Variants in ATP8A2 observed in about 807,000 individuals in gnomAD.
The protein encoded by ATP8A2 is ATPase phospholipid transporting 8A2.
Under a neutral mutation model 165.6 loss-of-function variants are expected in ATP8A2, and 100 were observed. The observed-to-expected ratio is 0.60, with a 90% CI of 0.51 to 0.71. The LOEUF is 0.71. Ranked by LOEUF, ATP8A2 falls within the 30% of genes least tolerant of loss-of-function variation. The pLI is 0.00. For missense variants in ATP8A2, 1,227 were observed against 1,479.5 expected (o/e 0.83, Z 2.80); for synonymous variants, 543 against 548.8 (o/e 0.99, Z 0.15).
chr13:25,683,187 T>C (rs2042530670), intron 24 of ATP8A2, among the ~76,000 whole-genome samples: 1 of 152,122 alleles, frequency 6.6e-6, no homozygotes, highest in South Asian at 2.1e-4. Context: ...GGAAACAACT[T>C]GGAAGGAGGG....
intron 1 of ATP8A2, among the ~76,000 whole-genome samples, chr13:25,388,774 C>T (rs1252458747): frequency 6.6e-6 from 1 of 152,132 alleles, no homozygotes; most frequent in Admixed American, 6.6e-5. Flanking sequence ...GGTCTCCTCC[C>T]TTATCAGGAG....
At chr13:25,597,779 G>A (rs1593614579) in intron 24 of ATP8A2, among the ~76,000 whole-genome samples, 2 of 152,078 alleles carry the variant, frequency 1.3e-5, no homozygotes, top group East Asian at 1.9e-4. Flanking sequence ...GGTATTCTAC[G>A]TTGCTAAATT....
chr13:25,535,154 G>A (rs181356483), intron 6 of ATP8A2, among the ~76,000 whole-genome samples: 1 of 152,312 alleles, frequency 6.6e-6, no homozygotes, highest in East Asian at 1.9e-4. Context: ...GTAACTAGCT[G>A]CGGAACTGTG....
chr13:25,473,847 C>A (rs2035915770), intron 2 of ATP8A2, among the ~76,000 whole-genome samples: 1 of 152,138 alleles, frequency 6.6e-6, no homozygotes, highest in African/African-American at 2.4e-5. Flanking sequence ...TTTTATATAT[C>A]TAAATTTTCA....
At chr13:25,373,151 AT>A (rs1272225148) in intron 1 of ATP8A2, among the ~76,000 whole-genome samples, 4 of 152,264 alleles carry the variant, frequency 2.6e-5, no homozygotes, top group African/African-American at 9.6e-5. Flanking sequence ...CCCAAAAATG[AT>A]TTCTTACCGT....
chr13:25,933,476 T>C (rs1421947979), intron 33 of ATP8A2, among the ~76,000 whole-genome samples: 1 of 152,228 alleles, frequency 6.6e-6, no homozygotes, highest in Non-Finnish European at 1.5e-5. Flanking sequence ...AGTTTCTTTT[T>C]TTTCTTTTTA....
Position 25,497,956 on chromosome 13 carries a change from C to T in ATP8A2, c.221+28835C>T, listed in dbSNP as rs573451789. ...CAGCCTGGGCAACCGAGAGAGATTC[C>T]GTCTCAAATAATAATAATAATAATA... On this transcript the variant is annotated intron_variant, in intron 2 of 36. Coordinates refer to ENST00000381655, the MANE Select transcript of ATP8A2 (RefSeq NM_016529.6). 5.3e-4 allele frequency among the ~76,000 whole-genome samples: 80 copies of T among 151,968 alleles called. No individual in the cohort carries two copies. In the East Asian group the frequency reaches 0.01, roughly 20 times the overall value.
intron 1 of ATP8A2, among the ~76,000 whole-genome samples, chr13:25,406,345 G>A (rs1480673205): frequency 1.3e-5 from 2 of 152,192 alleles, no homozygotes; most frequent in Non-Finnish European, 2.9e-5. Flanking sequence ...ATAACATAAG[G>A]TTGCTTTGAC....
chr13:25,388,335 G>A (rs566226487), intron 1 of ATP8A2, among the ~76,000 whole-genome samples: 39 of 152,294 alleles, frequency 2.6e-4, no homozygotes, highest in African/African-American at 7.5e-4. Context: ...AGGACAAGCC[G>A]CAGACAAAAC....
rs997277963 is a variant in ATP8A2, at chr13:25,657,968, C to T, written c.2212-41205C>T. 2.6e-5 allele frequency among the ~76,000 whole-genome samples: 4 copies of T among 152,138 alleles called. No individual in the cohort carries two copies. In the East Asian group the frequency reaches 7.7e-4, roughly 29 times the overall value. ...GAGGTAACGTTACTTTTGGTTCTTC[C>T]ATTGTATTTAATTGACAGTATCATC... On this transcript the variant is annotated intron_variant, in intron 24 of 36. Transcript: ENST00000381655.
chr13:25,551,481 G>T lies in ATP8A2; in HGVS notation c.1035G>T (p.Lys345Asn), dbSNP rs376983357. 63 of 1,608,558 alleles carry T rather than the reference G, an allele frequency of 3.9e-5. No individual in the cohort carries two copies. The African/African-American group carries it at 7.9e-4, about 20-fold the overall frequency. Residue 345 changes from lysine to asparagine, a missense_variant, in exon 11 of 37, where the codon AAG (lysine) becomes AAT (asparagine). Physicochemically the swap from Lys to Asn is moderately conservative, Grantham distance 94. Coordinates refer to ENST00000381655, the MANE Select transcript of ATP8A2 (RefSeq NM_016529.6). ...ACTGGAACAGGTCTCATGGTGAAAA[G>T]AACTGGTACATCAAGAAGATGGGTA... ...ALYWNRSHGE[K>N]NWYIKKMDTT...
At chr13:25,589,761 C>A in intron 24 of ATP8A2, 62 bp downstream of exon 24, 2 of 1,015,456 alleles carry the variant, frequency 2.0e-6, no homozygotes, top group South Asian at 1.5e-5. Context: ...TTTCTTTCTA[C>A]TATCATTGAT....
At chr13:25,449,272 A>T (rs745353194) in intron 1 of ATP8A2, among the ~76,000 whole-genome samples, 17 of 152,184 alleles carry the variant, frequency 1.1e-4, no homozygotes, top group Non-Finnish European at 2.4e-4. Context: ...TCTAAGTTAT[A>T]TCACACAAAT....
At chr13:25,500,259 G>C (rs2036813117) in intron 2 of ATP8A2, among the ~76,000 whole-genome samples, 1 of 152,044 alleles carries the variant, frequency 6.6e-6, no homozygotes, top group Admixed American at 6.5e-5. Flanking sequence ...GGGGAGAGAG[G>C]GCTCTTGTTT....
intron 1 of ATP8A2, among the ~76,000 whole-genome samples, chr13:25,450,365 A>ATTTCTGT (rs1481696554): frequency 6.6e-6 from 1 of 151,854 alleles, no homozygotes; most frequent in Admixed American, 6.6e-5. Context: ...GTTGAATGGT[A>ATTTCTGT]TTTTTCTGTC....
chr13:26,001,614 C>T (rs1956632577), intron 35 of ATP8A2, among the ~76,000 whole-genome samples: 1 of 152,100 alleles, frequency 6.6e-6, no homozygotes, highest in African/African-American at 2.4e-5. Flanking sequence ...TTGCATTTCC[C>T]TAATGACTAA....
chr13:25,463,685 TA>T (rs1301493788), intron 1 of ATP8A2, among the ~76,000 whole-genome samples: 2 of 152,134 alleles, frequency 1.3e-5, no homozygotes, highest in Non-Finnish European at 2.9e-5. Flanking sequence ...AGTCATTCAG[TA>T]AAATGAAAAA....
At chr13:25,731,062 AAG>A (rs758710178) in intron 25 of ATP8A2, among the ~76,000 whole-genome samples, 2 of 151,646 alleles carry the variant, frequency 1.3e-5, no homozygotes, top group Non-Finnish European at 1.5e-5. Flanking sequence ...CGCAAAAAAG[AAG>A]GAGAGGGGAG....
chr13:25,477,215 C>T (rs893756806), intron 2 of ATP8A2, among the ~76,000 whole-genome samples: 1 of 152,200 alleles, frequency 6.6e-6, no homozygotes, highest in Admixed American at 6.5e-5. Context: ...GCCATTTCCA[C>T]TGTTTAAAAT....
Sources: allele counts gnomAD v4.1 joint callset (sites outside exome capture counted in the v4.1 genomes callset), GRCh38; gene constraint gnomAD v4.1.1; transcripts MANE v1.5; gene names NCBI Gene and HGNC (gene_info 2026-07-23, HGNC 2026-07-21).